The following HDAC4 variants were observed in gnomAD, a reference collection of about 807,000 sequenced individuals.
HDAC4 encodes histone deacetylase A.
In HDAC4, 16 loss-of-function variants were observed where a neutral mutation model predicts 135.1. That is an observed-to-expected ratio of 0.12 (90% CI 0.08 to 0.18). HDAC4 has a LOEUF of 0.18. HDAC4 is among the 10% of genes least tolerant of loss of function. The probability of loss-of-function intolerance (pLI) is 1.00; values close to 1 mark genes in which losing one functional copy is unlikely to be tolerated. For missense variants in HDAC4, 1,143 were observed against 1,511.8 expected (o/e 0.76, Z 4.05); for synonymous variants, 685 against 653.4 (o/e 1.05, Z -0.74).
chr2:239,069,824 C>T (rs2033979459), intron 22 of HDAC4, among the ~76,000 whole-genome samples: 2 of 152,098 alleles, frequency 1.3e-5, no homozygotes, highest in Non-Finnish European at 2.9e-5. Flanking sequence ...CAGCAAGCCC[C>T]ACTGCACTTG....
intron 3 of HDAC4, among the ~76,000 whole-genome samples, chr2:239,227,842 G>A (rs377341370): frequency 1.3e-5 from 2 of 151,870 alleles, no homozygotes; most frequent in East Asian, 3.9e-4. Context: ...CAGGTCCAGC[G>A]GACTGCAGGT....
intron 8 of HDAC4, among the ~76,000 whole-genome samples, chr2:239,142,258 G>A (rs995258781): frequency 5.3e-5 from 8 of 152,126 alleles, no homozygotes; most frequent in Admixed American, 2.6e-4. Context: ...GCCAAGAACC[G>A]CGACTGCCTC....
At chr2:239,062,229 G>A (rs2032850997) in intron 24 of HDAC4, among the ~76,000 whole-genome samples, 1 of 152,274 alleles carries the variant, frequency 6.6e-6, no homozygotes, top group Non-Finnish European at 1.5e-5. Context: ...GAAGACAGAG[G>A]GGTCGCTCTG....
intron 15 of HDAC4, among the ~76,000 whole-genome samples, chr2:239,105,970 C>G (rs1378707226): frequency 6.6e-6 from 1 of 152,186 alleles, no homozygotes; most frequent in African/African-American, 2.4e-5. Context: ...CGTGTGGGAG[C>G]AAGGCACTGC....
At chr2:239,153,267 G>T (rs2042222392) in intron 7 of HDAC4, among the ~76,000 whole-genome samples, 1 of 152,244 alleles carries the variant, frequency 6.6e-6, no homozygotes, top group Admixed American at 6.5e-5. Context: ...CATGTTCACA[G>T]GTCATACAAT....
Position 239,068,749 on chromosome 2 carries a change from G to C in HDAC4, c.2751-142C>G. 2.6e-6 allele frequency: 2 copies of C among 760,648 alleles called. No individual in the cohort carries two copies. The highest frequency in any genetic ancestry group is 1.4e-5 in the South Asian group (1 of 71,570). 47.1% of individuals were successfully genotyped at this position (760,648 alleles called of 1,614,324 possible). A position where few individuals can be genotyped will look rare whatever the true frequency, so the allele number is the denominator to read the frequency against. ...GGCGGGCTGAGGGCTCCACACAGCA[G>C]GCTGGAATCTGGCGACCACGCTTAA... On this transcript the variant is annotated intron_variant, in intron 22 of 26. Coordinates refer to ENST00000543185, the MANE Select transcript of HDAC4 (RefSeq NM_001378414.1). The surrounding 1 kb of genome is among the most constrained non-coding windows in gnomAD (Gnocchi z 4.4).
intron 2 of HDAC4, among the ~76,000 whole-genome samples, chr2:239,281,283 C>T (rs1284358189): frequency 9.6e-6 from 1 of 104,646 alleles, no homozygotes; most frequent in Non-Finnish European, 2.3e-5. Flanking sequence ...AATGAACACA[C>T]CACTCTACAA....
intron 11 of HDAC4, among the ~76,000 whole-genome samples, chr2:239,129,676 C>G (rs943212684): frequency 6.6e-6 from 1 of 152,210 alleles, no homozygotes; most frequent in Non-Finnish European, 1.5e-5. Context: ...GGCTCCTGCT[C>G]CTCCTGGAGG....
At chr2:239,318,111 G>A (rs1236856377) in intron 2 of HDAC4, among the ~76,000 whole-genome samples, 2 of 152,138 alleles carry the variant, frequency 1.3e-5, no homozygotes, top group Non-Finnish European at 2.9e-5. Flanking sequence ...AGACTTGTGG[G>A]TCAGTGCTCG....
intron 2 of HDAC4, among the ~76,000 whole-genome samples, chr2:239,272,381 C>G (rs914897723): frequency 6.6e-6 from 1 of 152,204 alleles, no homozygotes; most frequent in African/African-American, 2.4e-5. Flanking sequence ...AGGCAACCTA[C>G]AGAATGGAAA....
intron 3 of HDAC4, among the ~76,000 whole-genome samples, chr2:239,206,389 T>C (rs1204341170): frequency 6.7e-6 from 1 of 148,326 alleles, no homozygotes; most frequent in Admixed American, 6.7e-5. Context: ...CATGCACACA[T>C]ACGTGCACAC....
chr2:239,180,547 A>T (rs2044081668), intron 4 of HDAC4, among the ~76,000 whole-genome samples: 1 of 152,224 alleles, frequency 6.6e-6, no homozygotes, highest in African/African-American at 2.4e-5. Context: ...ACGATGTTAA[A>T]CGTAACATCA....
intron 12 of HDAC4, among the ~76,000 whole-genome samples, chr2:239,120,206 AG>A (rs1479975748): frequency 2.6e-5 from 4 of 152,082 alleles, no homozygotes; most frequent in Non-Finnish European, 5.9e-5. Context: ...TCAGAACTGG[AG>A]CAGTACGCAG....
At chr2:239,206,868 T>C (rs953441240) in intron 3 of HDAC4, among the ~76,000 whole-genome samples, 29 of 152,352 alleles carry the variant, frequency 1.9e-4, no homozygotes, top group South Asian at 4.1e-4. Context: ...GAATGGTTCA[T>C]CTTGTCTAAA....
chr2:239,176,579 G>A lies in HDAC4; in HGVS notation c.340-16C>T, dbSNP rs2043789455. 6.2e-7 allele frequency: 1 copy of A among 1,610,930 alleles called. No individual in the cohort carries two copies. Among genetic ancestry groups the A allele is most frequent in the Non-Finnish European group, 8.5e-7 (1 of 1,179,408 alleles). On this transcript the variant is annotated splice_polypyrimidine_tract_variant and intron_variant, in intron 4 of 26. Coordinates refer to ENST00000543185, the MANE Select transcript of HDAC4 (RefSeq NM_001378414.1). The stretch of plus-strand genomic sequence containing the variant: ...CCTGTTGTTGCTGCAAGTGGAAGGA[G>A]GAGACAGACGGTCAGAGCCCAGGCT...
chr2:239,233,763 G>A (rs754040851), intron 3 of HDAC4, among the ~76,000 whole-genome samples: 1 of 152,194 alleles, frequency 6.6e-6, no homozygotes, highest in Non-Finnish European at 1.5e-5. Flanking sequence ...AGGGCTGCCC[G>A]GGCGCCCTTC....
At chr2:239,351,958 C>T (rs957707419) in intron 2 of HDAC4, among the ~76,000 whole-genome samples, 3 of 151,784 alleles carry the variant, frequency 2.0e-5, no homozygotes, top group South Asian at 2.1e-4. Flanking sequence ...TCAGGCAGGT[C>T]GGCGGCAGGC....
intron 2 of HDAC4, among the ~76,000 whole-genome samples, chr2:239,315,037 G>A (rs978325695): frequency 6.6e-6 from 1 of 152,164 alleles, no homozygotes; most frequent in Non-Finnish European, 1.5e-5. Context: ...GGCTTCGTCG[G>A]CATGGTAAAT....
At chr2:239,190,181 G>A (rs113042372) in intron 3 of HDAC4, 104 bp from the exon 4 acceptor site, 3 of 1,431,400 alleles carry the variant, frequency 2.1e-6, no homozygotes, top group African/African-American at 1.5e-5. Flanking sequence ...GGGCGGGGGG[G>A]GGGTTGTGAC....
Sources: gnomAD v4.1 joint callset for allele counts (sites outside exome capture counted in the v4.1 genomes callset) on GRCh38, gnomAD v4.1.1 for gene constraint, Gnocchi (gnomAD v3.1) non-coding constraint, MANE v1.5 for transcripts, NCBI Gene and HGNC (gene_info 2026-07-23, HGNC 2026-07-21) for gene names.